RSRC1: variants seen among roughly 807,000 people sequenced by gnomAD.
RSRC1 encodes the protein arginine and serine rich coiled-coil 1.
A neutral mutation model predicts 49.1 loss-of-function variants in RSRC1; 39 were observed. The ratio of observed to expected loss-of-function variants is 0.79; its 90% CI spans 0.61 to 1.04. RSRC1 has a LOEUF of 1.04. RSRC1 is among the 50% of genes least tolerant of loss of function. The probability of loss-of-function intolerance (pLI) is 0.00; values close to 1 mark genes in which losing one functional copy is unlikely to be tolerated. For missense variants in RSRC1, 388 were observed against 402.4 expected, an observed-to-expected ratio of 0.96 and a Z score of 0.31; for synonymous variants, 143 against 130.8, an observed-to-expected ratio of 1.09 and a Z score of -0.63.
intron 6 of RSRC1, among the ~76,000 whole-genome samples, chr3:158,360,891 G>C (rs930377988): frequency 6.6e-5 from 10 of 152,192 alleles, no homozygotes; most frequent in Non-Finnish European, 1.5e-4. Context: ...GCCTGCTCCT[G>C]GCCTCTGTCA....
intron 7 of RSRC1, among the ~76,000 whole-genome samples, chr3:158,511,611 G>T (rs1412521651): frequency 2.0e-5 from 3 of 152,186 alleles, no homozygotes; most frequent in Non-Finnish European, 4.4e-5. Flanking sequence ...ATAGCAGCAT[G>T]ATTTATAGTC....
chr3:158,468,118 A>G (rs1287055802), intron 7 of RSRC1, among the ~76,000 whole-genome samples: 1 of 152,090 alleles, frequency 6.6e-6, no homozygotes, highest in Non-Finnish European at 1.5e-5. Flanking sequence ...TATTTTTAGT[A>G]CAGATGGGGT....
chr3:158,414,639 G>A (rs182495471), intron 6 of RSRC1, among the ~76,000 whole-genome samples: 17 of 151,976 alleles, frequency 1.1e-4, no homozygotes, highest in South Asian at 4.2e-4. Context: ...AGATGATTAC[G>A]TGAGCCCAGG....
intron 6 of RSRC1, among the ~76,000 whole-genome samples, chr3:158,384,996 T>G (rs975611915): frequency 1.3e-5 from 2 of 152,068 alleles, no homozygotes; most frequent in Admixed American, 6.6e-5. Context: ...CAAAGTGCCA[T>G]TTAGTGATTG....
At position 158,460,996 on chromosome 3, in the gene RSRC1, G is replaced by A. The variant is rs1309947437; in HGVS notation, c.645G>A (p.Lys215=). The part of the protein sequence containing the change: ...ERNEEEAKRR[K]EEDQATLVEQ... ...ATGAGGAAGAAGCAAAGAGAAGAAA[G>A]GAGGAAGGTAAAGGCATGTGTTCAT... Residue 215 remains lysine (K), a synonymous_variant, in exon 7 of 10, where the codon AAG becomes AAA. Coordinates refer to ENST00000611884, the MANE Select transcript of RSRC1 (RefSeq NM_001271838.2). The A allele has an allele frequency of 1.5e-5, 24 of 1,599,636 alleles. No individual in the cohort carries two copies. In the East Asian group the frequency reaches 5.2e-4, roughly 35 times the overall value.
chr3:158,266,250 C>T (rs1725169156), intron 4 of RSRC1, among the ~76,000 whole-genome samples: 1 of 151,872 alleles, frequency 6.6e-6, no homozygotes, highest in African/African-American at 2.4e-5. Flanking sequence ...TTACTCTCTA[C>T]TCATTTTAGG....
intron 7 of RSRC1, among the ~76,000 whole-genome samples, chr3:158,536,575 C>G (rs1382137438): frequency 6.6e-6 from 1 of 151,290 alleles, no homozygotes; most frequent in East Asian, 1.9e-4. Context: ...ATGATATTGT[C>G]AAGTTACTGT....
rs1216943401 is a variant in RSRC1, at chr3:158,200,759, T to C, written c.321-2313T>C. ...TTTAATGTGAAATATAGGAACCTTT[T>C]AACAGTATAGGTTCATTTACCTGCC... On this transcript the variant is annotated intron_variant, in intron 3 of 9. Coordinates refer to ENST00000611884, the MANE Select transcript of RSRC1 (RefSeq NM_001271838.2). Among the ~76,000 whole-genome samples, 11 of 152,170 alleles carry C rather than the reference T, an allele frequency of 7.2e-5. 1 individual carries two copies. The highest frequency in any genetic ancestry group is 5.9e-4 in the Admixed American group (9 of 15,274).
At chr3:158,525,547 T>G (rs1711959581) in intron 7 of RSRC1, among the ~76,000 whole-genome samples, 1 of 151,976 alleles carries the variant, frequency 6.6e-6, no homozygotes, top group Non-Finnish European at 1.5e-5. Context: ...ATTTCAGTAC[T>G]AGGGCAGTAT....
chr3:158,487,952 A>AAAAAAAAAAAAAAAAAAAAAC (rs1738891588), intron 7 of RSRC1, among the ~76,000 whole-genome samples: 1 of 137,334 alleles, frequency 7.3e-6, no homozygotes. Context: ...ATCTCAAGAA[A>AAAAAAAAAAAAAAAAAAAAAC]AAAAAAAAAA....
At chr3:158,417,257 A>G (rs1734789768) in intron 6 of RSRC1, among the ~76,000 whole-genome samples, 1 of 152,090 alleles carries the variant, frequency 6.6e-6, no homozygotes, top group African/African-American at 2.4e-5. Flanking sequence ...CAAAACTTTT[A>G]CATATAATAT....
intron 4 of RSRC1, among the ~76,000 whole-genome samples, chr3:158,244,744 C>T (rs1559959567): frequency 1.3e-5 from 2 of 152,074 alleles, no homozygotes; most frequent in African/African-American, 4.8e-5. Flanking sequence ...AGCTGTGAAT[C>T]CATCTGATCC....
chr3:158,365,929 T>C (rs1490444242), intron 6 of RSRC1, among the ~76,000 whole-genome samples: 1 of 152,356 alleles, frequency 6.6e-6, no homozygotes, highest in East Asian at 1.9e-4. Context: ...TGTATGTTTG[T>C]TGGCCACATA....
chr3:158,397,863 G>A (rs1011821471), intron 6 of RSRC1, among the ~76,000 whole-genome samples: 2 of 151,970 alleles, frequency 1.3e-5, no homozygotes, highest in Non-Finnish European at 1.5e-5. Flanking sequence ...TTTAGAATTG[G>A]TCTAAAAGAG....
intron 5 of RSRC1, among the ~76,000 whole-genome samples, chr3:158,313,981 A>C (rs1418036063): frequency 6.6e-6 from 1 of 152,232 alleles, no homozygotes; most frequent in Admixed American, 6.5e-5. Flanking sequence ...AACACAAAAT[A>C]TCTCTAAACC....
Position 158,537,106 on chromosome 3 carries a change from G to A in RSRC1, c.667G>A (p.Val223Ile), listed in dbSNP as rs1408708946. The A allele has an allele frequency of 6.2e-7, 1 of 1,608,382 alleles. No individual in the cohort carries two copies. Among genetic ancestry groups the A allele is most frequent in the Admixed American group, 1.7e-5 (1 of 59,574 alleles). Residue 223 changes from valine (V) to isoleucine (I), a missense_variant, in exon 8 of 10, where the codon GTA becomes ATA. By Grantham distance (29) the Val-to-Ile change is conservative (BLOSUM62 3). Transcript: ENST00000611884. The part of the protein sequence containing the change: ...RRKEEDQATL[V>I]EQVKRVKEIE... ...CTCTTTTTCAGACCAAGCCACCCTG[G>A]TAGAACAAGTAAAAAGAGTAAAAGA...
chr3:158,126,880 G>T (rs1715661368), intron 3 of RSRC1, among the ~76,000 whole-genome samples: 2 of 13,270 alleles, frequency 1.5e-4, no homozygotes, highest in Non-Finnish European at 2.4e-4. Context: ...GGTTTTTTTT[G>T]TTTTTGTTTT....
intron 7 of RSRC1, among the ~76,000 whole-genome samples, chr3:158,518,118 G>GCATATATATATATATA (rs1341871336): frequency 2.6e-5 from 2 of 75,806 alleles, no homozygotes; most frequent in African/African-American, 1.3e-4. Context: ...GTGTGTGTGT[G>GCATATATATATATATA]TGTGTGTGTA....
intron 1 of RSRC1, 23 bp from the exon 2 acceptor site, chr3:158,122,080 A>C: frequency 7.1e-7 from 1 of 1,399,288 alleles, no homozygotes; most frequent in Non-Finnish European, 9.5e-7. Context: ...TAGAAATAAT[A>C]TTCTTCAAAT....
Sources: allele counts gnomAD v4.1 joint callset (sites outside exome capture counted in the v4.1 genomes callset), GRCh38; gene constraint gnomAD v4.1.1; transcripts MANE v1.5; gene names NCBI Gene and HGNC (gene_info 2026-07-23, HGNC 2026-07-21).